The following ARSD variants were observed in gnomAD, a reference collection of about 807,000 sequenced individuals.
ARSD encodes the protein arylsulfatase D, also known as testis tissue sperm-binding protein Li 39a.
In ARSD, 21 loss-of-function variants were observed where a neutral mutation model predicts 32.6. The observed-to-expected ratio is 0.64, with a 90% CI of 0.46 to 0.93. ARSD has a LOEUF of 0.93. ARSD is among the 40% of genes least tolerant of loss of function. The pLI is 0.00. For missense variants in ARSD, 454 were observed against 520.9 expected (o/e 0.87, Z 1.25); for synonymous variants, 224 against 237.4 (o/e 0.94, Z 0.52).
chrX:2,907,412 C>T lies in ARSD; in HGVS notation c.1641G>A (p.Ala547=), dbSNP rs760893443. ...TCAGGGTCTGCCGATGCTCCGACAC[C>T]GCGGCACCTACCCTTGCTATCACGG... ...YHAVIARVGA[A]VSEHRQTLSP... is the part of the protein sequence containing the mutation. The change falls in exon 10 of 10, where the codon GCG becomes GCA. Residue 547 remains alanine, a synonymous_variant. Transcript: ENST00000381154. 5.0e-6 allele frequency: 6 copies of T among 1,212,050 alleles called. No individual in the cohort carries two copies. The South Asian group carries it at 7.0e-5, about 14-fold the overall frequency.
In ARSD at chrX:2,922,236, T is replaced by TCA. The variant is rs1052802193; in HGVS notation, c.195-214_195-213dup. ...ACATCTCTCTCTCTCTCTCTCTCTCTCACACACACACACACACACAAAGTA... is the reference window on the plus strand; with the variant it reads ...ACATCTCTCTCTCTCTCTCTCTCTCTCACACACACACACACACACACAAAGTA... On this transcript the variant is annotated intron_variant, in intron 2 of 9. Transcript: ENST00000381154. Among the ~76,000 whole-genome samples, 299 of 106,393 alleles carry TCA rather than the reference T, an allele frequency of 2.8e-3. 2 individuals carry two copies. Among genetic ancestry groups the TCA allele is most frequent in the African/African-American group, 6.2e-3 (182 of 29,213 alleles). 92.4% of individuals were successfully genotyped at this position (106,393 alleles called of 115,157 possible). A position where few individuals can be genotyped will look rare whatever the true frequency, so the allele number is the denominator to read the frequency against.
At chrX:2,918,657 G>A (rs1314274030) in intron 4 of ARSD, among the ~76,000 whole-genome samples, 8 of 111,017 alleles carry the variant, frequency 7.2e-5, no homozygotes, top group Non-Finnish European at 1.5e-4. Flanking sequence ...GGAGAATGGC[G>A]TGAACCTGGG....
In ARSD at chrX:2,910,856, G is replaced by A. The variant is rs1200084689; in HGVS notation, c.1001-63C>T. ...AAAGCAGCATCCACTAGTTCAATGC[G>A]CTTCTTCCTTTCTGCAGGAGACACC... On this transcript the variant is annotated intron_variant, in intron 6 of 9. Coordinates refer to ENST00000381154, the MANE Select transcript of ARSD (RefSeq NM_001669.4). 2.3e-5 allele frequency: 26 copies of A among 1,137,772 alleles called. No individual in the cohort carries two copies. The African/African-American group carries it at 2.3e-4, about 10-fold the overall frequency. The allele number at this position is 1,137,772 out of a possible 1,213,427, so 93.8% of individuals were successfully genotyped here. A position where few individuals can be genotyped will look rare whatever the true frequency, so the allele number is the denominator to read the frequency against.
At chrX:2,927,813 C>G (rs1360944713) in intron 1 of ARSD, among the ~76,000 whole-genome samples, 1 of 111,052 alleles carries the variant, frequency 9.0e-6, no homozygotes, top group East Asian at 2.8e-4. Context: ...TAACTTCACC[C>G]TTTGGTTGGC....
At chrX:2,927,149 T>A (rs1401927045) in intron 1 of ARSD, among the ~76,000 whole-genome samples, 1 of 110,851 alleles carries the variant, frequency 9.0e-6, no homozygotes, top group East Asian at 2.8e-4. Context: ...GCAGTGCTGC[T>A]GAGGCAGGAG....
intron 2 of ARSD, 152 bp from the exon 3 acceptor site, chrX:2,922,176 C>A: frequency 1.4e-6 from 1 of 704,566 alleles, no homozygotes; most frequent in Non-Finnish European, 2.0e-6. Context: ...TAGATTGACC[C>A]CATCCTAAGT....
In ARSD at chrX:2,916,046, G is replaced by A. The variant is rs753467130; in HGVS notation, c.864-354C>T. ...ACTTGGGAGGCCGAGGTGGGAGGAC[G>A]GCTTGAGCCCGGGAGGTGGAGCTTG... On this transcript the variant is annotated intron_variant, in intron 5 of 9. Transcript: ENST00000381154. 6.8e-5 allele frequency among the ~76,000 whole-genome samples: 7 copies of A among 102,363 alleles called. No individual in the cohort carries two copies. The South Asian group carries it at 2.7e-3, about 39-fold the overall frequency. The allele number at this position is 102,363 out of a possible 115,157, so 88.9% of individuals were successfully genotyped here. A position where few individuals can be genotyped will look rare whatever the true frequency, so the allele number is the denominator to read the frequency against.
At chrX:2,918,295 G>C (rs112348737) in intron 4 of ARSD, 68 bp from the exon 5 acceptor site, 3 of 1,024,441 alleles carry the variant, frequency 2.9e-6, no homozygotes, top group Non-Finnish European at 3.9e-6. Context: ...AAAGAACCTC[G>C]GAATCATTCC....
At chrX:2,924,477 C>T (rs776230751) in intron 2 of ARSD, among the ~76,000 whole-genome samples, 1 of 113,335 alleles carries the variant, frequency 8.8e-6, no homozygotes, top group South Asian at 3.5e-4. Context: ...GGAGAAAAGC[C>T]CACCAAATGG....
chrX:2,915,748 C>T (rs1011902510), intron 5 of ARSD, 56 bp from the exon 6 acceptor site: 4 of 1,120,460 alleles, frequency 3.6e-6, no homozygotes, highest in Non-Finnish European at 4.8e-6. Flanking sequence ...ACCAAAGGGA[C>T]CCCTGCACCC....
In ARSD at chrX:2,910,969, C is replaced by T. The variant is rs764011791; in HGVS notation, c.1001-176G>A. On this transcript the variant is annotated intron_variant, in intron 6 of 9. Coordinates refer to ENST00000381154, the MANE Select transcript of ARSD (RefSeq NM_001669.4). ...CCAAAGTGTAAGACATAGCTAATCA[C>T]TGTGATACCACAGGACTGTTTACAA... Among the ~76,000 whole-genome samples the T allele has an allele frequency of 2.0e-3, 222 of 112,660 alleles. 2 individuals are homozygous for T. Among genetic ancestry groups the T allele is most frequent in the African/African-American group, 6.9e-3 (216 of 31,082 alleles).
intron 3 of ARSD, 95 bp from the exon 4 acceptor site, chrX:2,920,818 G>T: frequency 9.4e-7 from 1 of 1,060,492 alleles, no homozygotes; most frequent in Non-Finnish European, 1.3e-6. Context: ...CTGGATTTGT[G>T]CACCCGAGCC....
rs1342394921 is a variant in ARSD at position 2,907,521 on chromosome X, T to C, written c.1532A>G (p.His511Arg). 5.0e-6 allele frequency: 6 copies of C among 1,194,537 alleles called. No homozygotes were observed. In the African/African-American group the frequency reaches 8.7e-5, roughly 17 times the overall value. The change falls in exon 10 of 10, where the codon CAC (histidine) becomes CGC (arginine). Residue 511 changes from histidine to arginine, a missense_variant. Around this residue, in one of 3 missense-constraint regions of ARSD, gnomAD observed 179 missense variants for 198.5 expected, o/e 0.90. Transcript: ENST00000381154. ...GAGGTCAAAGAGCAAAGGGGGTCTG[T>C]GATGGGTCACGCCCTCCCCGGAGCA... The part of the protein sequence containing the change: ...CPCSGEGVTH[H>R]RPPLLFDLSR...
intron 1 of ARSD, among the ~76,000 whole-genome samples, chrX:2,926,421 G>C (rs1200696550): frequency 8.9e-6 from 1 of 112,018 alleles, no homozygotes; most frequent in Non-Finnish European, 1.9e-5. Context: ...TGCTTCAAAG[G>C]CCCAGGAGAG....
intron 6 of ARSD, 148 bp from the exon 7 acceptor site, chrX:2,910,941 A>T: frequency 1.6e-6 from 1 of 610,278 alleles, no homozygotes; most frequent in South Asian, 2.9e-5. Context: ...TTACAATGTG[A>T]TCCCAAAGTG....
intron 1 of ARSD, among the ~76,000 whole-genome samples, 165 bp downstream of exon 1, chrX:2,929,067 G>A (rs1057367419): frequency 3.6e-5 from 4 of 112,358 alleles, no homozygotes; most frequent in Non-Finnish European, 7.5e-5. Context: ...CCCGGGCACA[G>A]AACGCGCCTC....
At chrX:2,912,705 T>C (rs2088912712) in intron 6 of ARSD, among the ~76,000 whole-genome samples, 1 of 111,033 alleles carries the variant, frequency 9.0e-6, no homozygotes, top group Non-Finnish European at 1.9e-5. Flanking sequence ...ATAAAGACAC[T>C]GGGGAGAGGG....
intron 6 of ARSD, among the ~76,000 whole-genome samples, chrX:2,912,552 C>G (rs1462115151): frequency 8.9e-6 from 1 of 111,796 alleles, no homozygotes; most frequent in East Asian, 2.8e-4. Flanking sequence ...CAGAATAAAT[C>G]TCTCCAAATA....
Position 2,915,542 on chromosome X carries a change from G to A in ARSD, c.1000+14C>T. On this transcript the variant is annotated intron_variant, in intron 6 of 9. Coordinates refer to ENST00000381154, the MANE Select transcript of ARSD (RefSeq NM_001669.4). ...GCCGAGGGTGGAGTGAGGCTCCATG[G>A]TACCTTGACTTACCTATGAGCCAGT... 8.3e-7 allele frequency: 1 copy of A among 1,210,496 alleles called. No homozygotes were observed. Among genetic ancestry groups the A allele is most frequent in the Admixed American group, 2.2e-5 (1 of 45,947 alleles).
Sources: gnomAD v4.1 joint callset for allele counts (sites outside exome capture counted in the v4.1 genomes callset) on GRCh38, gnomAD v4.1.1 for gene constraint, gnomAD v4.1.1 regional missense constraint, MANE v1.5 for transcripts, NCBI Gene and HGNC (gene_info 2026-07-23, HGNC 2026-07-21) for gene names.